The following SYCP2L variants were observed in gnomAD, a reference collection of about 807,000 sequenced individuals.
The protein encoded by SYCP2L is synaptonemal complex protein 2-like.
SYCP2L carries 98 observed loss-of-function variants against 125.8 expected under a neutral mutation model. The ratio of observed to expected loss-of-function variants is 0.78; its 90% CI spans 0.66 to 0.92. SYCP2L has a LOEUF of 0.92. Among genes scored for constraint, SYCP2L ranks in the 40% least tolerant of loss-of-function variants. The pLI is 0.00. For missense variants in SYCP2L, 842 were observed against 936.4 expected, an observed-to-expected ratio of 0.90 and a Z score of 1.32; for synonymous variants, 317 against 325.4, an observed-to-expected ratio of 0.97 and a Z score of 0.28.
At chr6:10,973,093 G>GA (rs941099018) in intron 29 of SYCP2L, among the ~76,000 whole-genome samples, 4 of 152,100 alleles carry the variant, frequency 2.6e-5, no homozygotes, top group South Asian at 2.1e-4. Context: ...GCTGCACACA[G>GA]AAAAAAATGG....
intron 1 of SYCP2L, among the ~76,000 whole-genome samples, chr6:10,889,845 C>G (rs1488203877): frequency 6.6e-6 from 1 of 152,082 alleles, no homozygotes; most frequent in African/African-American, 2.4e-5. Context: ...GTCTCCAACT[C>G]CTGACCTCAG....
rs1459657741 is a variant in SYCP2L at position 10,907,891 on chromosome 6, G to GGTTTTTTTTTTTTTTTTTT, written c.819+209_819+227dup. ...TGAGCTAGATATAGGGATACAGATA[G>GGTTTTTTTTTTTTTTTTTT]GTTTTTTTTTTTTTTTTTTGACAGA... On this transcript the variant is annotated intron_variant, in intron 10 of 29. Coordinates refer to ENST00000283141, the MANE Select transcript of SYCP2L (RefSeq NM_001040274.3). Among the ~76,000 whole-genome samples, 5 of 21,570 alleles carry GGTTTTTTTTTTTTTTTTTT rather than the reference G, an allele frequency of 2.3e-4. No individual in the cohort carries two copies. In the South Asian group the frequency reaches 0.016, roughly 67 times the overall value. 14.2% of individuals were successfully genotyped at this position (21,570 alleles called of 152,430 possible). A position where few individuals can be genotyped will look rare whatever the true frequency, so the allele number is the denominator to read the frequency against.
intron 23 of SYCP2L, among the ~76,000 whole-genome samples, chr6:10,953,311 T>G (rs910417876): frequency 4.6e-5 from 7 of 152,202 alleles, no homozygotes; most frequent in Non-Finnish European, 1.0e-4. Flanking sequence ...CTATTTGTCT[T>G]AAAGTGTTAA....
chr6:10,930,054 CTT>C (rs1780963574), intron 18 of SYCP2L: 2 of 173,388 alleles, frequency 1.2e-5, no homozygotes, highest in African/African-American at 4.7e-5. Context: ...TGCCATCTGA[CTT>C]AGTATTTTCA....
intron 18 of SYCP2L, among the ~76,000 whole-genome samples, chr6:10,928,764 C>G (rs983841868): frequency 6.6e-6 from 1 of 152,070 alleles, no homozygotes; most frequent in African/African-American, 2.4e-5. Context: ...TCTCAAACTC[C>G]TGGACTTAAG....
intron 18 of SYCP2L, 55 bp downstream of exon 18, chr6:10,928,505 C>A: frequency 6.7e-7 from 1 of 1,491,606 alleles, no homozygotes; most frequent in Non-Finnish European, 8.9e-7. Context: ...GGGACTGTGA[C>A]AGGTGGAAGC....
intron 29 of SYCP2L, among the ~76,000 whole-genome samples, chr6:10,970,674 G>A (rs960038871): frequency 6.6e-6 from 1 of 152,170 alleles, no homozygotes; most frequent in Non-Finnish European, 1.5e-5. Context: ...GGCCGGGGAA[G>A]GATGAGGATG....
In SYCP2L at chr6:10,926,544, T is replaced by C. The variant is rs1780900433; in HGVS notation, c.1312+112T>C. On this transcript the variant is annotated intron_variant, in intron 16 of 29. Transcript: ENST00000283141. ...GGTCATATGAGTGATGCGTGTCTGA[T>C]GGCACTTCTGGAGGAAGAAGAGTTG... The C allele has an allele frequency of 1.6e-5, 12 of 741,906 alleles. No individual in the cohort carries two copies. In the South Asian group the frequency reaches 2.0e-4, roughly 13 times the overall value. 46.0% of individuals were successfully genotyped at this position (741,906 alleles called of 1,614,324 possible).
intron 23 of SYCP2L, among the ~76,000 whole-genome samples, chr6:10,952,241 G>T (rs1561699141): frequency 6.6e-6 from 1 of 152,312 alleles, no homozygotes; most frequent in African/African-American, 2.4e-5. Context: ...TGAAGTGCTG[G>T]TTCTTGTGCA....
chr6:10,918,741 G>A (rs201140999), intron 14 of SYCP2L, among the ~76,000 whole-genome samples: 9 of 151,960 alleles, frequency 5.9e-5, no homozygotes, highest in East Asian at 1.9e-4. Context: ...TCACCATGTT[G>A]GCCAGGATGG....
At chr6:10,951,046 A>G (rs1309388398) in intron 23 of SYCP2L, among the ~76,000 whole-genome samples, 2 of 152,034 alleles carry the variant, frequency 1.3e-5, no homozygotes, top group Non-Finnish European at 2.9e-5. Context: ...AGTCAGGAGG[A>G]TAGTTCCTTC....
chr6:10,954,220 C>T lies in SYCP2L; in HGVS notation c.1955-896C>T, dbSNP rs9468035. 0.018 allele frequency among the ~76,000 whole-genome samples: 2,718 copies of T among 152,062 alleles called. 89 individuals are homozygous for T. The highest frequency in any genetic ancestry group is 0.061 in the African/African-American group (2,533 of 41,474). On this transcript the variant is annotated intron_variant, in intron 23 of 29. Coordinates refer to ENST00000283141, the MANE Select transcript of SYCP2L (RefSeq NM_001040274.3). This position sits in a 1 kb window ranked among gnomAD's most constrained non-coding sequence, Gnocchi z 4.8. ...TGATGTCACAACTAAAGGTACAGTG[C>T]GGGGGAGAGAGTGGTTTTAAGTGGG...
chr6:10,893,012 T>G (rs1472138686), intron 2 of SYCP2L, among the ~76,000 whole-genome samples: 2 of 134,982 alleles, frequency 1.5e-5, no homozygotes, highest in Non-Finnish European at 3.2e-5. Context: ...TATATATACT[T>G]TTTTTTTTTT....
intron 10 of SYCP2L, among the ~76,000 whole-genome samples, chr6:10,909,316 C>T (rs1249566907): frequency 2.0e-5 from 3 of 151,602 alleles, no homozygotes; most frequent in East Asian, 1.9e-4. Flanking sequence ...TTAGTAGAGA[C>T]GGGGTTTCTC....
At chr6:10,931,990 CTTTTTT>C (rs70991076) in intron 20 of SYCP2L, among the ~76,000 whole-genome samples, 3 of 116,448 alleles carry the variant, frequency 2.6e-5, no homozygotes, top group African/African-American at 6.5e-5. Flanking sequence ...GATTGAGGGT[CTTTTTT>C]TTTTTTTTTT....
At position 10,959,620 on chromosome 6, in the gene SYCP2L, G is replaced by A. The variant is rs138720747; in HGVS notation, c.2255+745G>A. Among the ~76,000 whole-genome samples the A allele has an allele frequency of 2.7e-3, 414 of 151,168 alleles. 1 individual carries two copies. The highest frequency in any genetic ancestry group is 9.1e-3 in the African/African-American group (376 of 41,148). ...CGTGGTGGCTCACGCCTGTAATCCC[G>A]GTACTTTGGGAGGCTGAGGTGGGTG... On this transcript the variant is annotated intron_variant, in intron 26 of 29. Coordinates refer to ENST00000283141, the MANE Select transcript of SYCP2L (RefSeq NM_001040274.3).
At chr6:10,932,552 G>GTGTGT (rs149679532) in intron 20 of SYCP2L, among the ~76,000 whole-genome samples, 4,257 of 152,242 alleles carry the variant, frequency 0.028, 201 homozygotes, top group African/African-American at 0.095. Context: ...TCAGCCTGGA[G>GTGTGT]TGTGTTGCCC....
intron 25 of SYCP2L, among the ~76,000 whole-genome samples, chr6:10,957,593 G>A (rs959741417): frequency 9.9e-5 from 15 of 152,088 alleles, no homozygotes; most frequent in African/African-American, 3.1e-4. Context: ...GGGGAGAATC[G>A]CTTGAGGCCA....
intron 14 of SYCP2L, 132 bp downstream of exon 14, chr6:10,913,059 A>T: frequency 1.3e-6 from 1 of 755,396 alleles, no homozygotes; most frequent in South Asian, 1.9e-5. Context: ...ATGGTATGAT[A>T]GAAGGTGCGC....
Sources: allele counts gnomAD v4.1 joint callset (sites outside exome capture counted in the v4.1 genomes callset), GRCh38; gene constraint gnomAD v4.1.1; non-coding constraint Gnocchi (gnomAD v3.1); transcripts MANE v1.5; gene names NCBI Gene and HGNC (gene_info 2026-07-23, HGNC 2026-07-21).